Variants in STYK1 observed in about 807,000 individuals in gnomAD.
The protein encoded by STYK1 is tyrosine-protein kinase STYK1.
STYK1 carries 46 observed loss-of-function variants against 48.1 expected under a neutral mutation model. The observed-to-expected ratio is 0.96, with a 90% confidence interval of 0.75 to 1.22. The LOEUF (loss-of-function observed/expected upper bound fraction) is 1.22, where lower values mean the gene tolerates loss of function less well. STYK1 is among the 50% of genes most tolerant of loss of function. The pLI, the probability that STYK1 is intolerant of heterozygous loss-of-function variation, is 0.00. For synonymous variants in STYK1, 188 were observed against 189.0 expected, an observed-to-expected ratio of 0.99 and a Z score of 0.04; for missense variants, 527 against 521.1, an observed-to-expected ratio of 1.01 and a Z score of -0.11.
Position 10,663,526 on chromosome 12 carries a change from G to GA in STYK1, c.-195+10439dup, listed in dbSNP as rs1242723951. Among the ~76,000 whole-genome samples the GA allele has an allele frequency of 6.7e-5, 10 of 149,176 alleles. No homozygotes were observed. The East Asian group carries it at 2.0e-3, about 30-fold the overall frequency. ...AGGAAGGAGAATGGCGTGAACCTGG[G>GA]AGGCGGAGCTTGCAGTGAGCCGAGA... On this transcript the variant is annotated intron_variant, in intron 1 of 10. Transcript: ENST00000075503.
intron 5 of STYK1, among the ~76,000 whole-genome samples, chr12:10,630,385 C>CAAAAAA (rs35704937): frequency 3.9e-4 from 19 of 48,590 alleles, no homozygotes; most frequent in Non-Finnish European, 5.5e-4. Context: ...CACTCTGTCT[C>CAAAAAA]AAAAAAAAAA....
chr12:10,626,864 G>A (rs112761585), intron 7 of STYK1, among the ~76,000 whole-genome samples: 3,705 of 152,078 alleles, frequency 0.024, 141 homozygotes, highest in African/African-American at 0.084. Context: ...AAAATTAGCC[G>A]GGCGTGGTGG....
chr12:10,634,550 G>A lies in STYK1; in HGVS notation c.52+17C>T, dbSNP rs1947465252. 2 of 1,612,850 alleles carry A rather than the reference G, an allele frequency of 1.2e-6. No homozygotes were observed. Among genetic ancestry groups the A allele is most frequent in the African/African-American group, 1.3e-5 (1 of 74,970 alleles). ...TTCTAAAATCAGAGGATAGACATCT[G>A]TGGAATCCGTACTTACCACACAACT... is the stretch of plus-strand genomic sequence containing the variant. On this transcript the variant is annotated intron_variant, in intron 3 of 10. Transcript: ENST00000075503.
At chr12:10,630,960 A>G (rs1947419907) in intron 5 of STYK1, 85 bp downstream of exon 5, 3 of 1,524,262 alleles carry the variant, frequency 2.0e-6, no homozygotes, top group African/African-American at 1.4e-5. Context: ...GATCACAACT[A>G]TCTGTTAGTT....
intron 7 of STYK1, among the ~76,000 whole-genome samples, chr12:10,626,810 TC>T (rs1163920522): frequency 6.6e-6 from 1 of 152,014 alleles, no homozygotes; most frequent in African/African-American, 2.4e-5. Context: ...ATCGAGACCA[TC>T]CTGGCTAACA....
intron 1 of STYK1, among the ~76,000 whole-genome samples, chr12:10,663,622 AAAAAAAAAAAAAAAATC>A (rs1392106067): frequency 1.2e-4 from 17 of 142,624 alleles, no homozygotes; most frequent in African/African-American, 4.7e-4. Flanking sequence ...AAAAAAAAAA[AAAAAAAAAAAAAAAATC>A]ATTAAGTGTG....
chr12:10,635,540 T>C (rs1020535596), intron 2 of STYK1, among the ~76,000 whole-genome samples: 7 of 152,204 alleles, frequency 4.6e-5, no homozygotes, highest in Admixed American at 3.9e-4. Flanking sequence ...ATAAAGGAAG[T>C]ATCAGTACCA....
intron 10 of STYK1, 30 bp downstream of exon 10, chr12:10,621,846 A>G: frequency 6.3e-7 from 1 of 1,594,964 alleles, no homozygotes; most frequent in Non-Finnish European, 8.6e-7. Flanking sequence ...TTTGGAATGA[A>G]AGAGGAGCAG....
chr12:10,628,279 A>G (rs1947382559), intron 6 of STYK1, among the ~76,000 whole-genome samples: 1 of 152,182 alleles, frequency 6.6e-6, no homozygotes, highest in South Asian at 2.1e-4. Flanking sequence ...CTAAGAGAGC[A>G]TATGATGGTG....
Position 10,631,019 on chromosome 12 carries a change from G to A in STYK1, c.451+26C>T, listed in dbSNP as rs781006195. The A allele has an allele frequency of 4.4e-6, 7 of 1,608,652 alleles. No individual in the cohort carries two copies. In the East Asian group the frequency reaches 1.6e-4, roughly 36 times the overall value. ...TGTTAATATTTACTGTTAGGGGAAG[G>A]GGGAGTCAAACACTTCTTGTTTTAC... On this transcript the variant is annotated intron_variant, in intron 5 of 10. Coordinates refer to ENST00000075503, the MANE Select transcript of STYK1 (RefSeq NM_018423.3).
At position 10,634,643 on chromosome 12, in the gene STYK1, G is replaced by A. The variant is rs577195783; in HGVS notation, c.-25C>T. 1 of 1,613,946 alleles carries A rather than the reference G, an allele frequency of 6.2e-7. No individual in the cohort carries two copies. Among genetic ancestry groups the A allele is most frequent in the South Asian group, 1.1e-5 (1 of 91,044 alleles). On this transcript the variant is annotated 5_prime_UTR_variant, in exon 3 of 11. Coordinates refer to ENST00000075503, the MANE Select transcript of STYK1 (RefSeq NM_018423.3). ...TTGCCACAGGGCTGTCCCCTTCCCT[G>A]CTAGGCCCACAGAGAATGCACACAG...
intron 5 of STYK1, among the ~76,000 whole-genome samples, chr12:10,630,385 C>CAAAAAAAAAAAAAA (rs35704937): frequency 2.1e-5 from 1 of 48,576 alleles, no homozygotes; most frequent in African/African-American, 8.1e-5. Context: ...CACTCTGTCT[C>CAAAAAAAAAAAAAA]AAAAAAAAAA....
chr12:10,628,320 C>T (rs570831554), intron 6 of STYK1, among the ~76,000 whole-genome samples: 1 of 152,092 alleles, frequency 6.6e-6, no homozygotes, highest in East Asian at 1.9e-4. Context: ...GTTGCAGGGA[C>T]AGGGAAATTG....
chr12:10,670,566 T>C (rs528775464), intron 1 of STYK1, among the ~76,000 whole-genome samples: 61 of 151,582 alleles, frequency 4.0e-4, no homozygotes, highest in Admixed American at 2.0e-3. Context: ...TTACCAGAGG[T>C]TGGGGGAATT....
chr12:10,620,362 A>G lies in STYK1; in HGVS notation c.1065-14T>C. ...ATGATACTGTACCTGAGAGGGAAAC[A>G]AGAGAAACTGACTTCCTTGACAAGG... On this transcript the variant is annotated splice_polypyrimidine_tract_variant and intron_variant, in intron 10 of 10. Coordinates refer to ENST00000075503, the MANE Select transcript of STYK1 (RefSeq NM_018423.3). The G allele has an allele frequency of 2.5e-6, 4 of 1,611,334 alleles. No homozygotes were observed. Among genetic ancestry groups the G allele is most frequent in the Non-Finnish European group, 3.4e-6 (4 of 1,179,384 alleles).
At chr12:10,641,833 G>A (rs1947548478) in intron 1 of STYK1, among the ~76,000 whole-genome samples, 1 of 152,176 alleles carries the variant, frequency 6.6e-6, no homozygotes, top group Non-Finnish European at 1.5e-5. Context: ...CCCCTCCCTA[G>A]GGAGTGGGTC....
intron 10 of STYK1, 70 bp from the exon 11 acceptor site, chr12:10,620,418 C>T (rs1316757249): frequency 8.9e-6 from 13 of 1,453,952 alleles, no homozygotes; most frequent in Non-Finnish European, 1.2e-5. Context: ...CTCCTCTCCT[C>T]ACAAACTTTA....
In STYK1 at chr12:10,621,005, G is replaced by A. The variant is rs12425371; in HGVS notation, c.1065-657C>T. 6.7e-3 allele frequency among the ~76,000 whole-genome samples: 1,027 copies of A among 152,258 alleles called. 39 individuals are homozygous for A. Among genetic ancestry groups the A allele is most frequent in the Admixed American group, 0.062 (953 of 15,288 alleles). On this transcript the variant is annotated intron_variant, in intron 10 of 10. Coordinates refer to ENST00000075503, the MANE Select transcript of STYK1 (RefSeq NM_018423.3). ...CTATATTCTGTGCGTGTGTGTGTAT[G>A]TGTATACTCATATATAATTAAGATA...
At chr12:10,667,247 C>A (rs1449405917) in intron 1 of STYK1, 1 of 152,046 alleles carries the variant, frequency 6.6e-6, no homozygotes, top group Admixed American at 6.5e-5. Context: ...TAATTTAAAG[C>A]ATAAAAATAT....
Sources: allele counts gnomAD v4.1 joint callset (sites outside exome capture counted in the v4.1 genomes callset), GRCh38; gene constraint gnomAD v4.1.1; transcripts MANE v1.5; gene names NCBI Gene and HGNC (gene_info 2026-07-23, HGNC 2026-07-21).